DDX19A: variants seen among roughly 807,000 people sequenced by gnomAD.
DDX19A encodes DEAD-box helicase 19A.
Under a neutral mutation model 60.6 loss-of-function variants are expected in DDX19A, and 12 were observed. The observed-to-expected ratio is 0.20, with a 90% CI of 0.13 to 0.32. DDX19A has a LOEUF of 0.32. Among genes scored for constraint, DDX19A ranks in the 10% least tolerant of loss-of-function variants. DDX19A has a pLI of 1.00. For synonymous variants in DDX19A, 206 were observed against 218.2 expected (o/e 0.94, Z 0.49); for missense variants, 337 against 600.6 (o/e 0.56, Z 4.59).
At chr16:70,371,021 A>G in intron 10 of DDX19A, 3 of 371,668 alleles carry the variant, frequency 8.1e-6, no homozygotes, top group Non-Finnish European at 9.7e-6. Flanking sequence ...AAGAAAGAAA[A>G]GGAACTCCCG....
In DDX19A at chr16:70,371,993, C is replaced by T. The variant is rs753166726; in HGVS notation, c.*7C>T. On this transcript the variant is annotated 3_prime_UTR_variant, in exon 12 of 12. Coordinates refer to ENST00000302243, the MANE Select transcript of DDX19A (RefSeq NM_018332.5). ...TGAGAAAATAGCCAACTGAGAAGCT[C>T]CACCAGCCACTGATGCCAGCCCTGG... The T allele has an allele frequency of 6.2e-7, 1 of 1,613,988 alleles. No individual in the cohort carries two copies.
In DDX19A at chr16:70,346,931, G is replaced by T. The variant is rs565490385; in HGVS notation, c.-61G>T. On this transcript the variant is annotated 5_prime_UTR_variant, in exon 1 of 12. Coordinates refer to ENST00000302243, the MANE Select transcript of DDX19A (RefSeq NM_018332.5). The stretch of plus-strand genomic sequence containing the variant: ...TTCTCGCGCCGGTGGCGAGGTTAGG[G>T]CCCGCGTTGCGACGTGGTGCAGCGC... 5.8e-6 allele frequency: 9 copies of T among 1,542,266 alleles called. No homozygotes were observed. In the East Asian group the frequency reaches 9.3e-5, roughly 16 times the overall value.
chr16:70,352,714 G>T (rs541937669), intron 2 of DDX19A, among the ~76,000 whole-genome samples: 1 of 136,898 alleles, frequency 7.3e-6, no homozygotes, highest in Admixed American at 8.1e-5. Flanking sequence ...TCGGCTCACC[G>T]CAACCTCCAC....
intron 4 of DDX19A, chr16:70,356,793 T>C (rs910475721): frequency 3.4e-5 from 33 of 975,412 alleles, no homozygotes; most frequent in Non-Finnish European, 4.2e-5. Flanking sequence ...AATTTTTTAA[T>C]GCTTCAAATT....
At chr16:70,356,050 T>G in intron 3 of DDX19A, 62 bp from the exon 4 acceptor site, 1 of 1,603,914 alleles carries the variant, frequency 6.2e-7, no homozygotes. Flanking sequence ...GGAGAAAGAG[T>G]GGCTTCATAA....
In DDX19A at chr16:70,370,238, A is replaced by G. The variant is rs567958200; in HGVS notation, c.1036A>G (p.Ser346Gly). 5 of 1,610,138 alleles carry G rather than the reference A, an allele frequency of 3.1e-6. No individual in the cohort carries two copies. The highest frequency in any genetic ancestry group is 2.5e-6 in the Non-Finnish European group (3 of 1,179,094). ...TTTCTTCCAGACTCGCAAAACAGCT[A>G]GTTGGCTGGCAGCAGAGCTCTCAAA... ...MIFCHTRKTA[S>G]WLAAELSKEG... The change falls in exon 10 of 12, where the codon AGT (serine) becomes GGT (glycine). Residue 346 changes from serine (S) to glycine (G), a missense_variant. Around this residue, in one of 6 missense-constraint regions of DDX19A, gnomAD observed 117 missense variants for 274.3 expected, o/e 0.43. Transcript: ENST00000302243.
At chr16:70,367,760 C>T (rs1964562270) in intron 9 of DDX19A, among the ~76,000 whole-genome samples, 1 of 151,926 alleles carries the variant, frequency 6.6e-6, no homozygotes, top group African/African-American at 2.4e-5. Flanking sequence ...GCCTGTAATC[C>T]CAGCTACTCG....
intron 5 of DDX19A, among the ~76,000 whole-genome samples, chr16:70,362,356 A>C (rs1338145224): frequency 1.3e-5 from 2 of 151,806 alleles, no homozygotes; most frequent in Non-Finnish European, 2.9e-5. Context: ...AAAAAAAAAA[A>C]AAAAAACTGG....
chr16:70,363,890 C>T (rs1964445266), intron 5 of DDX19A: 1 of 152,200 alleles, frequency 6.6e-6, no homozygotes, highest in Admixed American at 6.6e-5. Flanking sequence ...CAGGTACCCG[C>T]CACCACGCCC....
Position 70,370,247 on chromosome 16 carries a change from G to T in DDX19A, c.1045G>T (p.Ala349Ser), listed in dbSNP as rs765722278. The change falls in exon 10 of 12, where the codon GCA becomes TCA. Residue 349 changes from alanine (A) to serine (S), a missense_variant. By Grantham distance (99) the Ala-to-Ser change is moderately conservative (BLOSUM62 1). Around this residue, in one of 6 missense-constraint regions of DDX19A, gnomAD observed 117 missense variants for 274.3 expected, o/e 0.43. Transcript: ENST00000302243. The stretch of plus-strand genomic sequence containing the variant: ...GACTCGCAAAACAGCTAGTTGGCTG[G>T]CAGCAGAGCTCTCAAAAGAAGGCCA... The part of the protein sequence containing the change: ...CHTRKTASWL[A>S]AELSKEGHQV... 3.1e-6 allele frequency: 5 copies of T among 1,613,292 alleles called. No individual in the cohort carries two copies. Among genetic ancestry groups the T allele is most frequent in the Non-Finnish European group, 4.2e-6 (5 of 1,179,770 alleles).
chr16:70,372,911 G>C lies in DDX19A; in HGVS notation c.*925G>C, dbSNP rs2047299877. 6.6e-6 allele frequency: 1 copy of C among 152,228 alleles called. No individual in the cohort carries two copies. Among genetic ancestry groups the C allele is most frequent in the African/African-American group, 2.4e-5 (1 of 41,464 alleles). The allele number at this position is 152,228 out of a possible 1,614,324, so 9.4% of individuals were successfully genotyped here. A position where few individuals can be genotyped will look rare whatever the true frequency, so the allele number is the denominator to read the frequency against. On this transcript the variant is annotated 3_prime_UTR_variant, in exon 12 of 12. Transcript: ENST00000302243. Reference sequence around the variant, plus strand: ...TTCATTTATAATAGTGGACATTATGGAGAGCTCTGATTCCTACATAATATG... The same window carrying C: ...TTCATTTATAATAGTGGACATTATGCAGAGCTCTGATTCCTACATAATATG...
At chr16:70,355,968 A>G (rs984617119) in intron 3 of DDX19A, 144 bp from the exon 4 acceptor site, 2 of 1,042,440 alleles carry the variant, frequency 1.9e-6, no homozygotes, top group Non-Finnish European at 2.8e-6. Flanking sequence ...TCTAAAATAA[A>G]TAAATAGAGA....
Position 70,364,456 on chromosome 16 carries a change from A to T in DDX19A, c.387-87A>T, listed in dbSNP as rs144789747. On this transcript the variant is annotated intron_variant, in intron 5 of 11. Coordinates refer to ENST00000302243, the MANE Select transcript of DDX19A (RefSeq NM_018332.5). Reference sequence around the variant, plus strand: ...GTAATATAGAGAAGCACGAAGGGGGAAATATGCCTTTCATTCAGAAAGAAC... The same window carrying T: ...GTAATATAGAGAAGCACGAAGGGGGTAATATGCCTTTCATTCAGAAAGAAC... The T allele has an allele frequency of 1.2e-3, 1,257 of 1,018,074 alleles. 12 individuals carry two copies. In the African/African-American group the frequency reaches 0.017, roughly 14 times the overall value. The allele number at this position is 1,018,074 out of a possible 1,614,324, so 63.1% of individuals were successfully genotyped here.
Position 70,350,566 on chromosome 16 carries a change from T to A in DDX19A, c.67T>A (p.Leu23Met). 1 of 1,612,018 alleles carries A rather than the reference T, an allele frequency of 6.2e-7. No homozygotes were observed. Among genetic ancestry groups the A allele is most frequent in the African/African-American group, 1.3e-5 (1 of 74,970 alleles). ...QEAAVKSMTNLQIKEEKVKAD... is the reference protein window; with the variant it reads ...QEAAVKSMTNMQIKEEKVKAD... ...TTTTATTTCTATTCAGATGACCAAT[T>A]TGCAGATCAAGGAAGAGAAAGTCAA... is the stretch of plus-strand genomic sequence containing the variant. Residue 23 changes from leucine to methionine, a missense_variant, in exon 2 of 12, where the codon TTG becomes ATG. Leu to Met is a conservative substitution (Grantham distance 15, BLOSUM62 2). Coordinates refer to ENST00000302243, the MANE Select transcript of DDX19A (RefSeq NM_018332.5).
chr16:70,362,123 C>T (rs1406412896), intron 5 of DDX19A, among the ~76,000 whole-genome samples: 5 of 150,420 alleles, frequency 3.3e-5, no homozygotes, highest in Non-Finnish European at 7.4e-5. Context: ...TGCAGTGAGC[C>T]GAGATGGTGC....
At chr16:70,347,106 A>G in intron 1 of DDX19A, 58 bp downstream of exon 1, 1 of 1,549,060 alleles carries the variant, frequency 6.5e-7, no homozygotes, top group Non-Finnish European at 8.8e-7. Flanking sequence ...GAAACCTCCC[A>G]AAAGCACAGG....
At position 70,357,371 on chromosome 16, in the gene DDX19A, T is replaced by TG. The variant is rs1317347666; in HGVS notation, c.293+1124_293+1125insG. Among the ~76,000 whole-genome samples the TG allele has an allele frequency of 4.5e-3, 143 of 31,608 alleles. 12 individuals carry two copies. The highest frequency in any genetic ancestry group is 0.012 in the African/African-American group (136 of 11,094). 20.7% of individuals were successfully genotyped at this position (31,608 alleles called of 152,430 possible). ...GTCAAATCTGTTTTTGGTTTGTTTT[T>TG]TTTTTTTTTTTTTTTTTTTTTTTTT... On this transcript the variant is annotated intron_variant, in intron 4 of 11. Coordinates refer to ENST00000302243, the MANE Select transcript of DDX19A (RefSeq NM_018332.5).
Position 70,357,366 on chromosome 16 carries a change from G to GTTTTTTTTT in DDX19A, c.293+1147_293+1155dup, listed in dbSNP as rs71151183. Among the ~76,000 whole-genome samples, 374 of 44,582 alleles carry GTTTTTTTTT rather than the reference G, an allele frequency of 8.4e-3. 146 individuals carry two copies. The highest frequency in any genetic ancestry group is 0.013 in the East Asian group (18 of 1,370). The allele number at this position is 44,582 out of a possible 152,430, so 29.2% of individuals were successfully genotyped here. A position where few individuals can be genotyped will look rare whatever the true frequency, so the allele number is the denominator to read the frequency against. ...AATCTGTCAAATCTGTTTTTGGTTT[G>GTTTTTTTTT]TTTTTTTTTTTTTTTTTTTTTTTTT... is the stretch of plus-strand genomic sequence containing the variant. On this transcript the variant is annotated intron_variant, in intron 4 of 11. Coordinates refer to ENST00000302243, the MANE Select transcript of DDX19A (RefSeq NM_018332.5).
intron 2 of DDX19A, among the ~76,000 whole-genome samples, chr16:70,350,855 AT>A (rs1401935809): frequency 1.0e-4 from 15 of 145,408 alleles, no homozygotes; most frequent in African/African-American, 2.9e-4. Context: ...CAAATTATTT[AT>A]TTATTTATTT....
Sources: gnomAD v4.1 joint callset for allele counts (sites outside exome capture counted in the v4.1 genomes callset) on GRCh38, gnomAD v4.1.1 for gene constraint, gnomAD v4.1.1 regional missense constraint, MANE v1.5 for transcripts, NCBI Gene and HGNC (gene_info 2026-07-23, HGNC 2026-07-21) for gene names.